The following WWOX variants were observed in gnomAD, a reference collection of about 807,000 sequenced individuals.
WWOX encodes the protein WW domain-containing oxidoreductase.
In WWOX, 69 loss-of-function variants were observed where a neutral mutation model predicts 46.2. The ratio of observed to expected loss-of-function variants is 1.49; its 90% CI spans 1.23 to 1.82. WWOX has a LOEUF of 1.82. Ranked by LOEUF, WWOX falls within the 40% of genes most tolerant of loss-of-function variation. The pLI is 0.00. For missense variants in WWOX, 919 were observed against 542.6 expected (o/e 1.69, Z -6.89); for synonymous variants, 359 against 202.6 (o/e 1.77, Z -6.56).
At chr16:78,408,779 T>A (rs1349355026) in intron 6 of WWOX, among the ~76,000 whole-genome samples, 2 of 152,114 alleles carry the variant, frequency 1.3e-5, no homozygotes, top group Non-Finnish European at 2.9e-5. Flanking sequence ...GTTTCCTGAG[T>A]CACCTTTGGG....
chr16:78,901,601 C>T (rs1164290035), intron 8 of WWOX, among the ~76,000 whole-genome samples: 1 of 152,220 alleles, frequency 6.6e-6, no homozygotes, highest in African/African-American at 2.4e-5. Flanking sequence ...CATCCTCCCA[C>T]CTCAGCCTCC....
intron 8 of WWOX, among the ~76,000 whole-genome samples, chr16:78,540,018 TCTCACACA>T (rs1238739059): frequency 5.9e-5 from 6 of 102,452 alleles, no homozygotes; most frequent in African/African-American, 1.5e-4. Context: ...TCTCTCTCTC[TCTCACACA>T]CACACACACA....
intron 8 of WWOX, among the ~76,000 whole-genome samples, chr16:78,923,840 C>G (rs1389877250): frequency 7.8e-6 from 1 of 128,566 alleles, no homozygotes; most frequent in Non-Finnish European, 1.6e-5. Context: ...TGCTCTGTTG[C>G]CCAGGCTGGA....
At chr16:78,542,373 A>T (rs1427322413) in intron 8 of WWOX, among the ~76,000 whole-genome samples, 13 of 152,142 alleles carry the variant, frequency 8.5e-5, no homozygotes, top group Admixed American at 7.2e-4. Flanking sequence ...ATTAGGAGAG[A>T]GAGGCAATCA....
chr16:78,184,289 C>T (rs1414241317), intron 5 of WWOX, among the ~76,000 whole-genome samples: 3 of 141,762 alleles, frequency 2.1e-5, no homozygotes, highest in Non-Finnish European at 3.1e-5. Context: ...TTTGAATTTA[C>T]GGGGATGGGG....
At chr16:79,018,809 C>A (rs2047469672) in intron 8 of WWOX, among the ~76,000 whole-genome samples, 1 of 151,746 alleles carries the variant, frequency 6.6e-6, no homozygotes, top group African/African-American at 2.4e-5. Context: ...CCCCATAGAC[C>A]CAAGGATGAT....
chr16:78,335,621 G>C (rs538759521), intron 5 of WWOX, among the ~76,000 whole-genome samples: 3 of 152,276 alleles, frequency 2.0e-5, no homozygotes, highest in South Asian at 2.1e-4. Flanking sequence ...GAATAGAAAT[G>C]ATTGTATTAT....
At chr16:78,827,927 G>T (rs891903508) in intron 8 of WWOX, among the ~76,000 whole-genome samples, 1 of 152,216 alleles carries the variant, frequency 6.6e-6, no homozygotes, top group African/African-American at 2.4e-5. Flanking sequence ...TCCTCATTAG[G>T]AGTCAGAGTA....
At chr16:78,749,678 C>T (rs1280854511) in intron 8 of WWOX, among the ~76,000 whole-genome samples, 3 of 152,120 alleles carry the variant, frequency 2.0e-5, no homozygotes, top group African/African-American at 2.4e-5. Flanking sequence ...AAATTATAGA[C>T]CTCAAAATAG....
intron 8 of WWOX, among the ~76,000 whole-genome samples, chr16:78,636,111 G>A (rs1358526792): frequency 6.6e-6 from 1 of 152,134 alleles, no homozygotes; most frequent in African/African-American, 2.4e-5. Flanking sequence ...GCCTTTGACA[G>A]GCTCTTGCTA....
At chr16:78,248,836 C>A (rs1046337081) in intron 5 of WWOX, among the ~76,000 whole-genome samples, 2 of 151,402 alleles carry the variant, frequency 1.3e-5, no homozygotes, top group African/African-American at 4.9e-5. Context: ...CAGGACAACC[C>A]TCTGAGGAAG....
intron 8 of WWOX, among the ~76,000 whole-genome samples, chr16:78,937,448 C>CTTTTTT (rs537642648): frequency 0.08 from 6,535 of 81,890 alleles, 944 homozygotes; most frequent in Non-Finnish European, 0.11. Context: ...TTTGTATTAA[C>CTTTTTT]TTTTTTTTTT....
chr16:78,322,023 A>G (rs1357410875), intron 5 of WWOX, among the ~76,000 whole-genome samples: 1 of 152,218 alleles, frequency 6.6e-6, no homozygotes, highest in African/African-American at 2.4e-5. Flanking sequence ...AACAGCAGCT[A>G]AAGTGGACAG....
In WWOX at chr16:79,069,918, C is replaced by G. The variant is rs74709920; in HGVS notation, c.1057-141690C>G. ...TTCAAATTTTTTCCCCCTCTATGAC[C>G]AAAAAGTTACCCAAACCTTTGTGTC... is the stretch of plus-strand genomic sequence containing the variant. On this transcript the variant is annotated intron_variant, in intron 8 of 8. Coordinates refer to ENST00000566780, the MANE Select transcript of WWOX (RefSeq NM_016373.4). Among the ~76,000 whole-genome samples the G allele has an allele frequency of 9.3e-3, 1,423 of 152,248 alleles. 18 individuals are homozygous for G. Among genetic ancestry groups the G allele is most frequent in the African/African-American group, 0.032 (1,340 of 41,536 alleles).
chr16:78,316,037 G>C (rs894476207), intron 5 of WWOX, among the ~76,000 whole-genome samples: 1 of 152,030 alleles, frequency 6.6e-6, no homozygotes, highest in Non-Finnish European at 1.5e-5. Context: ...CTTGAGGTCA[G>C]GAGTTTAAGA....
chr16:78,770,898 A>G (rs1305324227), intron 8 of WWOX, among the ~76,000 whole-genome samples: 6 of 152,252 alleles, frequency 3.9e-5, no homozygotes, highest in Non-Finnish European at 8.8e-5. Flanking sequence ...ATGGGAAAAT[A>G]GGCAGAGCGA....
At chr16:78,875,847 T>TA (rs1597093445) in intron 8 of WWOX, among the ~76,000 whole-genome samples, 1 of 152,248 alleles carries the variant, frequency 6.6e-6, no homozygotes, top group South Asian at 2.1e-4. Context: ...ATTCGTTTTT[T>TA]AAAAGAATGT....
At chr16:78,994,501 C>G (rs1348045642) in intron 8 of WWOX, 1 of 152,208 alleles carries the variant, frequency 6.6e-6, no homozygotes, top group Non-Finnish European at 1.5e-5. Context: ...AGGTACTTAT[C>G]TGACAAATGC....
intron 8 of WWOX, among the ~76,000 whole-genome samples, chr16:78,923,531 G>C (rs1329216960): frequency 6.6e-6 from 1 of 151,842 alleles, no homozygotes; most frequent in African/African-American, 2.4e-5. Context: ...AAAGAGCTTT[G>C]GAAATTCTAC....
Sources: gnomAD v4.1 joint callset for allele counts (sites outside exome capture counted in the v4.1 genomes callset) on GRCh38, gnomAD v4.1.1 for gene constraint, MANE v1.5 for transcripts, NCBI Gene and HGNC (gene_info 2026-07-23, HGNC 2026-07-21) for gene names.